H2AZ2: variants seen among roughly 807,000 people sequenced by gnomAD.
The protein encoded by H2AZ2 is H2A.Z variant histone 2.
H2AZ2 carries 5 observed loss-of-function variants against 15.5 expected under a neutral mutation model. The ratio of observed to expected loss-of-function variants is 0.32; its 90% CI spans 0.17 to 0.68. The LOEUF (loss-of-function observed/expected upper bound fraction) is 0.68. H2AZ2 is among the 30% of genes least tolerant of loss of function. The probability of loss-of-function intolerance (pLI) is 0.72; values close to 1 mark genes in which losing one functional copy is unlikely to be tolerated. For synonymous variants in H2AZ2, 44 were observed against 57.4 expected, an observed-to-expected ratio of 0.77 and a Z score of 1.05; for missense variants, 42 against 162.5, an observed-to-expected ratio of 0.26 and a Z score of 4.03.
At position 44,832,485 on chromosome 7, in the gene H2AZ2, G is replaced by A. The variant is rs1793015887; in HGVS notation, c.*2016C>T. 6.6e-6 allele frequency among the ~76,000 whole-genome samples: 1 copy of A among 152,078 alleles called. No individual in the cohort carries two copies. Among genetic ancestry groups the A allele is most frequent in the African/African-American group, 2.4e-5 (1 of 41,384 alleles). On this transcript the variant is annotated 3_prime_UTR_variant, in exon 5 of 5. Coordinates refer to ENST00000308153, the MANE Select transcript of H2AZ2 (RefSeq NM_012412.5). ...GGATGGGTACACAGAGCTTCATTCT[G>A]CTATTCTTTTTGTGCATTTGTGAAA...
chr7:44,830,308 T>A (rs1051167229), downstream of H2AZ2: 2 of 749,782 alleles, frequency 2.7e-6, no homozygotes, highest in African/African-American at 3.6e-5. Flanking sequence ...ATTCACTGGA[T>A]AACTACTGGA....
downstream of H2AZ2, chr7:44,828,153 G>A (rs981622753): frequency 2.6e-5 from 4 of 152,112 alleles, no homozygotes; most frequent in Admixed American, 1.3e-4. Context: ...ACATATGGCT[G>A]TGTCTGAGAT....
chr7:44,829,631 C>T (rs1433330258), downstream of H2AZ2: 1 of 148,952 alleles, frequency 6.7e-6, no homozygotes, highest in Non-Finnish European at 1.5e-5. Flanking sequence ...GCTAAGTTAA[C>T]TGGTAGAAGA....
At position 44,832,762 on chromosome 7, in the gene H2AZ2, A is replaced by T. The variant is rs551121942; in HGVS notation, c.*1739T>A. Among the ~76,000 whole-genome samples the T allele has an allele frequency of 3.3e-5, 5 of 152,252 alleles. No individual in the cohort carries two copies. The highest frequency in any genetic ancestry group is 9.6e-5 in the African/African-American group (4 of 41,556). On this transcript the variant is annotated 3_prime_UTR_variant, in exon 5 of 5. Transcript: ENST00000308153. ...CAGGAGTTCAATACCAACCTGGGCA[A>T]CATAGGGAGACCTCTGTCTCTTACA...
chr7:44,842,485 T>TC (rs1473332476), intron 2 of H2AZ2, among the ~76,000 whole-genome samples: 3 of 152,224 alleles, frequency 2.0e-5, no homozygotes, highest in Non-Finnish European at 4.4e-5. Flanking sequence ...TACAAACTCC[T>TC]CTGTTCCTTA....
At position 44,833,562 on chromosome 7, in the gene H2AZ2, G is replaced by A; in HGVS notation, c.*939C>T. 2.5e-6 allele frequency: 1 copy of A among 404,672 alleles called. No homozygotes were observed. The highest frequency in any genetic ancestry group is 3.3e-6 in the Non-Finnish European group (1 of 299,126). 25.1% of individuals were successfully genotyped at this position (404,672 alleles called of 1,614,324 possible). ...GACGGCGTTTTACCATGTTGGCCAG[G>A]CTGGTCTCAAACTCCTGACCTCAAG... is the stretch of plus-strand genomic sequence containing the variant. On this transcript the variant is annotated 3_prime_UTR_variant, in exon 5 of 5. Coordinates refer to ENST00000308153, the MANE Select transcript of H2AZ2 (RefSeq NM_012412.5).
chr7:44,830,976 G>A (rs962030363), downstream of H2AZ2, among the ~76,000 whole-genome samples: 2 of 152,156 alleles, frequency 1.3e-5, no homozygotes, highest in Non-Finnish European at 1.5e-5. Context: ...GCAACAGAGT[G>A]AGATCCTGTC....
At position 44,834,306 on chromosome 7, in the gene H2AZ2, C is replaced by T; in HGVS notation, c.*195G>A. ...AGAAACCTAGCCAATCAACACACAA[C>T]TGTCACCACATGAAAAGGTACTTTT... On this transcript the variant is annotated 3_prime_UTR_variant, in exon 5 of 5. Coordinates refer to ENST00000308153, the MANE Select transcript of H2AZ2 (RefSeq NM_012412.5). 1 of 1,317,734 alleles carries T rather than the reference C, an allele frequency of 7.6e-7. No homozygotes were observed. Among genetic ancestry groups the T allele is most frequent in the Non-Finnish European group, 9.7e-7 (1 of 1,029,536 alleles). 81.6% of individuals were successfully genotyped at this position (1,317,734 alleles called of 1,614,324 possible).
chr7:44,828,423 C>T (rs971322379), downstream of H2AZ2: 1 of 152,150 alleles, frequency 6.6e-6, no homozygotes, highest in Non-Finnish European at 1.5e-5. Context: ...GGTGTTGGAA[C>T]TCTTTGAGCA....
chr7:44,847,156 T>TA (rs1343263547), intron 1 of H2AZ2, among the ~76,000 whole-genome samples: 3 of 152,216 alleles, frequency 2.0e-5, no homozygotes, highest in Admixed American at 6.5e-5. Flanking sequence ...TAAGATTCCA[T>TA]AACAGTCTTA....
At chr7:44,839,668 C>A (rs538692535) in intron 3 of H2AZ2, among the ~76,000 whole-genome samples, 2 of 148,488 alleles carry the variant, frequency 1.3e-5, no homozygotes, top group Non-Finnish European at 1.5e-5. Flanking sequence ...GGTGACAGAG[C>A]GAGCCTCTGT....
At chr7:44,827,216 T>C (rs1041069626), downstream of H2AZ2, 2 of 152,054 alleles carry the variant, frequency 1.3e-5, no homozygotes, top group African/African-American at 4.8e-5. Context: ...AATTACAGAG[T>C]TTACAAATAA....
intron 1 of H2AZ2, among the ~76,000 whole-genome samples, chr7:44,844,108 T>C (rs937509222): frequency 1.3e-5 from 2 of 150,832 alleles, no homozygotes; most frequent in African/African-American, 2.4e-5. Context: ...ATTCCACTTC[T>C]AGGTATACAC....
intron 1 of H2AZ2, among the ~76,000 whole-genome samples, chr7:44,844,923 T>C (rs570200529): frequency 6.6e-6 from 1 of 152,256 alleles, no homozygotes; most frequent in African/African-American, 2.4e-5. Context: ...CGGGAGGAAA[T>C]ACTAAAGGTC....
At position 44,847,841 on chromosome 7, in the gene H2AZ2, A is replaced by C. The variant is rs1285484332; in HGVS notation, c.3+128T>G. Reference sequence around the variant, plus strand: ...ACATGGCGCCCCCCGGCGGGCGGCGAGGGGCTCGGCCGGACGAAGCCCAGA... The same window carrying C: ...ACATGGCGCCCCCCGGCGGGCGGCGCGGGGCTCGGCCGGACGAAGCCCAGA... On this transcript the variant is annotated intron_variant, in intron 1 of 4. Transcript: ENST00000308153. The C allele has an allele frequency of 8.6e-6, 11 of 1,284,892 alleles. No homozygotes were observed. In the Admixed American group the frequency reaches 3.0e-4, roughly 35 times the overall value. 79.6% of individuals were successfully genotyped at this position (1,284,892 alleles called of 1,614,324 possible).
downstream of H2AZ2, chr7:44,828,393 A>C (rs540780566): frequency 1.6e-4 from 25 of 152,332 alleles, no homozygotes; most frequent in African/African-American, 5.3e-4. Context: ...TGAAAAACAA[A>C]CAGGGCCATG....
At chr7:44,843,416 C>T in intron 1 of H2AZ2, 62 bp from the exon 2 acceptor site, 1 of 1,139,210 alleles carries the variant, frequency 8.8e-7, no homozygotes, top group Non-Finnish European at 1.3e-6. Context: ...CAAAAATATT[C>T]TGGAAACAGA....
At chr7:44,846,062 C>CACACACAGAGAGAGAGAG (rs57468916) in intron 1 of H2AZ2, among the ~76,000 whole-genome samples, 23 of 75,144 alleles carry the variant, frequency 3.1e-4, no homozygotes, top group Admixed American at 7.0e-4. Flanking sequence ...CACACACACA[C>CACACACAGAGAGAGAGAG]AGAGAGAGAC....
chr7:44,833,709 G>A lies in H2AZ2; in HGVS notation c.*792C>T. 1.0e-6 allele frequency: 1 copy of A among 985,090 alleles called. No homozygotes were observed. The highest frequency in any genetic ancestry group is 1.2e-6 in the Non-Finnish European group (1 of 829,594). The allele number at this position is 985,090 out of a possible 1,614,324, so 61.0% of individuals were successfully genotyped here. ...TTTGATAAACTGAACATCAATTCCA[G>A]GTAAAACTAGGCTCTGGAGTCAGCC... On this transcript the variant is annotated 3_prime_UTR_variant, in exon 5 of 5. Coordinates refer to ENST00000308153, the MANE Select transcript of H2AZ2 (RefSeq NM_012412.5).
Sources: gnomAD v4.1 joint callset for allele counts (sites outside exome capture counted in the v4.1 genomes callset) on GRCh38, gnomAD v4.1.1 for gene constraint, MANE v1.5 for transcripts, NCBI Gene and HGNC (gene_info 2026-07-23, HGNC 2026-07-21) for gene names.